Variants in DLGAP4 observed in about 807,000 individuals in gnomAD.
DLGAP4 encodes the protein DLG associated protein 4, also known as disks large-associated protein 4.
A neutral mutation model predicts 86.9 loss-of-function variants in DLGAP4; 18 were observed. The observed-to-expected ratio is 0.21, with a 90% CI of 0.14 to 0.31. The LOEUF (loss-of-function observed/expected upper bound fraction) is 0.31. DLGAP4 is among the 10% of genes least tolerant of loss of function. The pLI, the probability that DLGAP4 is intolerant of heterozygous loss-of-function variation, is 1.00. For synonymous variants in DLGAP4, 548 were observed against 574.3 expected (o/e 0.95, Z 0.65); for missense variants, 1,085 against 1,362.6 (o/e 0.80, Z 3.21).
At chr20:36,461,701 C>CCCTCCTCCT (rs1175791446) in intron 7 of DLGAP4, 27 of 679,108 alleles carry the variant, frequency 4.0e-5, no homozygotes, top group African/African-American at 1.8e-4. Context: ...CCCGCCCTCG[C>CCCTCCTCCT]CCTCCTCCTC....
At chr20:36,517,808 T>C (rs2037133341) in intron 10 of DLGAP4, among the ~76,000 whole-genome samples, 1 of 152,216 alleles carries the variant, frequency 6.6e-6, no homozygotes, top group East Asian at 1.9e-4. Context: ...ATTTTGTCTT[T>C]GTTCATGAGA....
At chr20:36,403,365 C>G (rs908207009) in intron 2 of DLGAP4, among the ~76,000 whole-genome samples, 12 of 152,284 alleles carry the variant, frequency 7.9e-5, no homozygotes, top group African/African-American at 2.9e-4. Flanking sequence ...TTTAAAGTCC[C>G]ACCTCCCAAG....
At chr20:36,504,001 G>A (rs2036256709) in intron 10 of DLGAP4, among the ~76,000 whole-genome samples, 2 of 152,172 alleles carry the variant, frequency 1.3e-5, no homozygotes, top group African/African-American at 4.8e-5. Flanking sequence ...GAATATTCAT[G>A]TACAAGTTTT....
At chr20:36,452,560 G>C (rs1461060406) in intron 7 of DLGAP4, among the ~76,000 whole-genome samples, 1 of 149,748 alleles carries the variant, frequency 6.7e-6, no homozygotes, top group African/African-American at 2.5e-5. Flanking sequence ...CTGTTGTCCA[G>C]GCTGAAGTGC....
chr20:36,313,378 C>T, intron 1 of DLGAP4, among the ~76,000 whole-genome samples: 1 of 152,184 alleles, frequency 6.6e-6, no homozygotes, highest in Non-Finnish European at 1.5e-5. Flanking sequence ...GTGGGAGGCT[C>T]AGGACTGGAG....
At chr20:36,444,488 C>A (rs1470637645) in intron 6 of DLGAP4, among the ~76,000 whole-genome samples, 2 of 152,054 alleles carry the variant, frequency 1.3e-5, no homozygotes, top group Admixed American at 1.3e-4. Context: ...GTTGCCCAGG[C>A]TGGTCTCAAA....
chr20:36,379,279 A>G (rs2031282232), intron 2 of DLGAP4, among the ~76,000 whole-genome samples: 2 of 152,206 alleles, frequency 1.3e-5, no homozygotes. Context: ...GGCCAGGCCC[A>G]TGGGAGATGC....
At chr20:36,509,582 AAATAAT>A (rs202101394) in intron 10 of DLGAP4, among the ~76,000 whole-genome samples, 1,594 of 151,928 alleles carry the variant, frequency 0.01, 15 homozygotes, top group Non-Finnish European at 0.017. Flanking sequence ...AAAAATAAAT[AAATAAT>A]AATAATAATA....
intron 2 of DLGAP4, among the ~76,000 whole-genome samples, chr20:36,416,461 C>T (rs2032656861): frequency 6.6e-6 from 1 of 152,190 alleles, no homozygotes; most frequent in Non-Finnish European, 1.5e-5. Context: ...CACTAACCAT[C>T]GGGGACTCCA....
chr20:36,416,776 C>T (rs913704582), intron 2 of DLGAP4, among the ~76,000 whole-genome samples: 2 of 152,194 alleles, frequency 1.3e-5, no homozygotes, highest in Admixed American at 1.3e-4. Context: ...GGAACAGAAA[C>T]GCCAGCCTAG....
intron 1 of DLGAP4, among the ~76,000 whole-genome samples, chr20:36,349,248 C>A (rs1309679134): frequency 2.7e-5 from 4 of 149,140 alleles, no homozygotes; most frequent in Non-Finnish European, 5.9e-5. Context: ...GAGACCCTGT[C>A]TCTACTAAAA....
At chr20:36,352,254 G>A (rs530998179) in intron 1 of DLGAP4, among the ~76,000 whole-genome samples, 16 of 152,164 alleles carry the variant, frequency 1.1e-4, no homozygotes, top group Non-Finnish European at 2.2e-4. Flanking sequence ...GACCTTGTGG[G>A]GCCCTGTAAG....
chr20:36,475,442 C>T (rs936782030), intron 7 of DLGAP4, among the ~76,000 whole-genome samples: 1 of 152,134 alleles, frequency 6.6e-6, no homozygotes, highest in Non-Finnish European at 1.5e-5. Flanking sequence ...AACTCCTGAC[C>T]TTGTGATCCG....
chr20:36,526,522 C>T (rs143460258), intron 12 of DLGAP4, among the ~76,000 whole-genome samples: 1,759 of 152,114 alleles, frequency 0.012, 14 homozygotes, highest in Non-Finnish European at 0.018. Context: ...AGTTCCTGCC[C>T]GAGTCTCGGG....
chr20:36,487,618 C>A (rs1280393396), intron 7 of DLGAP4, among the ~76,000 whole-genome samples: 1 of 152,192 alleles, frequency 6.6e-6, no homozygotes, highest in Admixed American at 6.5e-5. Context: ...CCGCCCTGCT[C>A]CTTTGCTCAC....
At chr20:36,494,909 T>A (rs1309883059) in intron 7 of DLGAP4, among the ~76,000 whole-genome samples, 1 of 151,402 alleles carries the variant, frequency 6.6e-6, no homozygotes, top group Non-Finnish European at 1.5e-5. Context: ...AGTCCAGGAG[T>A]TCGAGACTAA....
intron 6 of DLGAP4, among the ~76,000 whole-genome samples, chr20:36,444,542 G>A (rs563340480): frequency 1.3e-5 from 2 of 152,232 alleles, no homozygotes; most frequent in Non-Finnish European, 2.9e-5. Context: ...CCCTCAAAGT[G>A]CTGGGATTAC....
intron 2 of DLGAP4, among the ~76,000 whole-genome samples, chr20:36,399,175 A>C (rs2032082802): frequency 1.3e-5 from 2 of 152,208 alleles, no homozygotes; most frequent in Non-Finnish European, 2.9e-5. Flanking sequence ...TAGCCTGAGC[A>C]ACAGAGTGAG....
chr20:36,452,454 A>G (rs1369066623), intron 7 of DLGAP4, among the ~76,000 whole-genome samples: 1 of 151,810 alleles, frequency 6.6e-6, no homozygotes, highest in African/African-American at 2.4e-5. Flanking sequence ...TACTGGGATT[A>G]CAGGTGTGAG....
Sources: allele counts gnomAD v4.1 joint callset (sites outside exome capture counted in the v4.1 genomes callset), GRCh38; gene constraint gnomAD v4.1.1; transcripts MANE v1.5; gene names NCBI Gene and HGNC (gene_info 2026-07-23, HGNC 2026-07-21).